CTHRC1: variants seen among roughly 807,000 people sequenced by gnomAD.
The protein encoded by CTHRC1 is collagen triple helix repeat containing 1, also known as collagen triple helix repeat-containing protein 1.
CTHRC1 carries 21 observed loss-of-function variants against 25.9 expected under a neutral mutation model. That is an observed-to-expected ratio of 0.81 (90% CI 0.57 to 1.17). CTHRC1 has a LOEUF of 1.17. Among genes scored for constraint, CTHRC1 ranks in the 50% most tolerant of loss-of-function variants. The pLI is 0.00. For synonymous variants in CTHRC1, 109 were observed against 113.1 expected (o/e 0.96, Z 0.23); for missense variants, 281 against 304.3 (o/e 0.92, Z 0.57).
chr8:103,382,745 T>G lies in CTHRC1; in HGVS notation c.*145T>G. The G allele has an allele frequency of 1.2e-6, 1 of 805,070 alleles. No individual in the cohort carries two copies. The highest frequency in any genetic ancestry group is 2.2e-6 in the Non-Finnish European group (1 of 462,728). The allele number at this position is 805,070 out of a possible 1,614,324, so 49.9% of individuals were successfully genotyped here. On this transcript the variant is annotated 3_prime_UTR_variant, in exon 4 of 4. Transcript: ENST00000330295. ...CAGACCAAAGTGTGATTTCACACTGTTTTTAAATCTAGCATTATTCATTTT... is the reference window on the plus strand; with the variant it reads ...CAGACCAAAGTGTGATTTCACACTGGTTTTAAATCTAGCATTATTCATTTT...
rs141428810 is a variant in CTHRC1 at position 103,378,231 on chromosome 8, C to G, written c.577C>G (p.Arg193Gly). 1.2e-6 allele frequency: 2 copies of G among 1,611,624 alleles called. No individual in the cohort carries two copies. Among genetic ancestry groups the G allele is most frequent in the Non-Finnish European group, 1.7e-6 (2 of 1,178,948 alleles). Residue 193 changes from arginine (R) to glycine (G), a missense_variant, in exon 3 of 4, where the codon CGC (arginine) becomes GGC (glycine). Arg to Gly is a moderately radical substitution (Grantham distance 125, BLOSUM62 -2). Coordinates refer to ENST00000330295, the MANE Select transcript of CTHRC1 (RefSeq NM_138455.4). The part of the protein sequence containing the change: ...PEMNSTINIH[R>G]TSSVEGLCEG... ...AATGAATTCAACAATTAATATTCAT[C>G]GCACTTCTTCTGGTATGTAAAATTG...
At position 103,371,734 on chromosome 8, in the gene CTHRC1, G is replaced by T. The variant is rs970571777; in HGVS notation, c.78G>T (p.Ala26=). The stretch of plus-strand genomic sequence containing the variant: ...TGCTCCTGCTGCTGCAGCTGCCCGC[G>T]CCGTCGAGCGCCTCTGAGATCCCCA... The part of the protein sequence containing the change: ...LLLLLLLQLP[A]PSSASEIPKG... Residue 26 remains alanine, a synonymous_variant, in exon 1 of 4, where the codon GCG becomes GCT. Transcript: ENST00000330295. 1 of 1,535,276 alleles carries T rather than the reference G, an allele frequency of 6.5e-7. No individual in the cohort carries two copies. The highest frequency in any genetic ancestry group is 8.8e-7 in the Non-Finnish European group (1 of 1,141,602).
rs1815843474 is a variant in CTHRC1, at chr8:103,378,186, T to G, written c.532T>G (p.Leu178Val). The change falls in exon 3 of 4, where the codon TTG becomes GTG. Residue 178 changes from leucine (L) to valine (V), a missense_variant. By Grantham distance (32) the Leu-to-Val change is conservative (BLOSUM62 1). Coordinates refer to ENST00000330295, the MANE Select transcript of CTHRC1 (RefSeq NM_138455.4). ...TCTTCCCATTGAAGCTATAATTTATTTGGACCAAGGAAGCCCTGAAATGAA... is the reference window on the plus strand; with the variant it reads ...TCTTCCCATTGAAGCTATAATTTATGTGGACCAAGGAAGCCCTGAAATGAA... ...GPLPIEAIIY[L>V]DQGSPEMNST... 6.2e-7 allele frequency: 1 copy of G among 1,614,164 alleles called. No individual in the cohort carries two copies. Among genetic ancestry groups the G allele is most frequent in the Non-Finnish European group, 8.5e-7 (1 of 1,180,022 alleles).
intron 1 of CTHRC1, among the ~76,000 whole-genome samples, chr8:103,373,539 G>A (rs944069167): frequency 6.6e-6 from 1 of 151,306 alleles, no homozygotes; most frequent in Admixed American, 6.6e-5. Flanking sequence ...CTGCGGAATC[G>A]AGTCAAGTAA....
intron 1 of CTHRC1, among the ~76,000 whole-genome samples, chr8:103,373,493 G>A (rs77776607): frequency 0.089 from 13,482 of 150,982 alleles, 769 homozygotes; most frequent in East Asian, 0.18. Context: ...AGCATATGTT[G>A]GGTTAGCATT....
chr8:103,375,472 A>G (rs1334532469), intron 1 of CTHRC1, among the ~76,000 whole-genome samples: 7 of 152,316 alleles, frequency 4.6e-5, no homozygotes, highest in African/African-American at 1.4e-4. Context: ...TATAATGAGC[A>G]GAAGGGAGCA....
chr8:103,371,788 G>C lies in CTHRC1; in HGVS notation c.132G>C (p.Gln44His), dbSNP rs987258930. The stretch of plus-strand genomic sequence containing the variant: ...GGAAGCAAAAGGCGCAGCTCCGGCA[G>C]AGGGAGGTGGTGGACCTGGTGAGTC... Reference protein sequence around the residue: ...PKGKQKAQLRQREVVDLYNGM... With the variant: ...PKGKQKAQLRHREVVDLYNGM... The change falls in exon 1 of 4, where the codon CAG becomes CAC. Residue 44 changes from glutamine to histidine, a missense_variant. Transcript: ENST00000330295. 7 of 1,532,516 alleles carry C rather than the reference G, an allele frequency of 4.6e-6. No individual in the cohort carries two copies. The Admixed American group carries it at 1.0e-4, about 22-fold the overall frequency. The allele number at this position is 1,532,516 out of a possible 1,614,324, so 94.9% of individuals were successfully genotyped here. A position where few individuals can be genotyped will look rare whatever the true frequency, so the allele number is the denominator to read the frequency against.
intron 3 of CTHRC1, among the ~76,000 whole-genome samples, chr8:103,379,360 C>T (rs1338622441): frequency 6.6e-6 from 1 of 152,102 alleles, no homozygotes; most frequent in East Asian, 1.9e-4. Flanking sequence ...AGTGATCCTC[C>T]TGCTCAGCTT....
At chr8:103,376,252 T>C (rs187079648) in intron 2 of CTHRC1, among the ~76,000 whole-genome samples, 1 of 152,328 alleles carries the variant, frequency 6.6e-6, no homozygotes, top group East Asian at 1.9e-4. Context: ...TAAGCAACTT[T>C]CCAATCTTAT....
intron 3 of CTHRC1, among the ~76,000 whole-genome samples, chr8:103,379,312 G>A (rs184616892): frequency 3.3e-5 from 5 of 152,166 alleles, no homozygotes; most frequent in African/African-American, 7.2e-5. Flanking sequence ...TACACTGGCA[G>A]GATCACAGCT....
chr8:103,376,441 T>C (rs761127392), intron 2 of CTHRC1, among the ~76,000 whole-genome samples: 4 of 152,208 alleles, frequency 2.6e-5, no homozygotes, highest in Non-Finnish European at 4.4e-5. Flanking sequence ...TGAAATGGGT[T>C]AGATGTGAGG....
intron 1 of CTHRC1, among the ~76,000 whole-genome samples, chr8:103,373,924 T>C (rs1212187919): frequency 1.3e-5 from 2 of 152,034 alleles, no homozygotes; most frequent in Non-Finnish European, 2.9e-5. Context: ...GTCTAAACAT[T>C]GTATATATCT....
rs566845408 is a variant in CTHRC1, at chr8:103,372,120, C to A, written c.150+314C>A. On this transcript the variant is annotated intron_variant, in intron 1 of 3. Coordinates refer to ENST00000330295, the MANE Select transcript of CTHRC1 (RefSeq NM_138455.4). ...CAATAATTTCTGGCCCCAGGGGGAC[C>A]CCTTGGGAAGGGTGGGAGGGATAGG... Among the ~76,000 whole-genome samples the A allele has an allele frequency of 1.8e-4, 28 of 152,142 alleles. 1 individual carries two copies. The highest frequency in any genetic ancestry group is 3.4e-3 in the Middle Eastern group (1 of 294).
intron 3 of CTHRC1, among the ~76,000 whole-genome samples, chr8:103,380,753 G>C (rs1015621304): frequency 6.6e-6 from 1 of 152,214 alleles, no homozygotes; most frequent in Non-Finnish European, 1.5e-5. Flanking sequence ...TAGGCCGTAG[G>C]GGGAAGTGAA....
At position 103,371,597 on chromosome 8, in the gene CTHRC1, C is replaced by T; in HGVS notation, c.-60C>T. Reference sequence around the variant, plus strand: ...GAGCGCGGCGGAGCCAGACGCTGACCACGTTCCTCTCCTCGGTCTCCTCCG... The same window carrying T: ...GAGCGCGGCGGAGCCAGACGCTGACTACGTTCCTCTCCTCGGTCTCCTCCG... On this transcript the variant is annotated 5_prime_UTR_variant, in exon 1 of 4. Transcript: ENST00000330295. 6.6e-7 allele frequency: 1 copy of T among 1,513,884 alleles called. No homozygotes were observed. Among genetic ancestry groups the T allele is most frequent in the Non-Finnish European group, 8.8e-7 (1 of 1,131,468 alleles). The allele number at this position is 1,513,884 out of a possible 1,614,324, so 93.8% of individuals were successfully genotyped here.
chr8:103,382,307 T>C, intron 3 of CTHRC1, 151 bp from the exon 4 acceptor site: 1 of 707,608 alleles, frequency 1.4e-6, no homozygotes, highest in South Asian at 1.7e-5. Context: ...AAAAGAGGAC[T>C]TCATTATAAA....
In CTHRC1 at chr8:103,382,419, G is replaced by A. The variant is rs777119029; in HGVS notation, c.590-39G>A. On this transcript the variant is annotated intron_variant, in intron 3 of 3. Coordinates refer to ENST00000330295, the MANE Select transcript of CTHRC1 (RefSeq NM_138455.4). The stretch of plus-strand genomic sequence containing the variant: ...ATTTAACTAAAGGATTTTGCTCTTT[G>A]TTCTAAAGAAAGATGTAACTTTCAT... The A allele has an allele frequency of 1.9e-6, 3 of 1,610,262 alleles. No homozygotes were observed. The South Asian group carries it at 3.3e-5, about 18-fold the overall frequency.
chr8:103,377,888 G>C, intron 2 of CTHRC1, 139 bp from the exon 3 acceptor site: 1 of 758,118 alleles, frequency 1.3e-6, no homozygotes, highest in South Asian at 1.6e-5. Flanking sequence ...ACAGGTATGA[G>C]CCACCACACC....
At chr8:103,376,080 C>A in intron 2 of CTHRC1, 121 bp downstream of exon 2, 3 of 752,348 alleles carry the variant, frequency 4.0e-6, no homozygotes. Context: ...AAGTAGGTAG[C>A]ATGTGACTTT....
Sources: gnomAD v4.1 joint callset for allele counts (sites outside exome capture counted in the v4.1 genomes callset) on GRCh38, gnomAD v4.1.1 for gene constraint, MANE v1.5 for transcripts, NCBI Gene and HGNC (gene_info 2026-07-23, HGNC 2026-07-21) for gene names.